The following ERC2 variants were observed in gnomAD, a reference collection of about 807,000 sequenced individuals.
The protein encoded by ERC2 is ERC protein 2.
Under a neutral mutation model 114.8 loss-of-function variants are expected in ERC2, and 42 were observed. The observed-to-expected ratio is 0.37, with a 90% confidence interval of 0.29 to 0.47. The LOEUF (loss-of-function observed/expected upper bound fraction) is 0.47. ERC2 is among the 20% of genes least tolerant of loss of function. The pLI, the probability that ERC2 is intolerant of heterozygous loss-of-function variation, is 0.99. For synonymous variants in ERC2, 454 were observed against 425.5 expected (o/e 1.07, Z -0.82); for missense variants, 939 against 1,150.7 (o/e 0.82, Z 2.66).
chr3:55,584,046 G>A (rs531051102), intron 17 of ERC2, among the ~76,000 whole-genome samples: 30 of 152,258 alleles, frequency 2.0e-4, no homozygotes, highest in Admixed American at 9.2e-4. Context: ...TTGATTCATC[G>A]TTAAAAGAGC....
chr3:56,034,256 G>A (rs1021334386), intron 7 of ERC2, among the ~76,000 whole-genome samples: 6 of 151,918 alleles, frequency 3.9e-5, no homozygotes, highest in Admixed American at 2.6e-4. Flanking sequence ...AATAATAAAA[G>A]GGTCATTTCA....
intron 14 of ERC2, among the ~76,000 whole-genome samples, chr3:55,851,581 T>C (rs1017990184): frequency 2.4e-4 from 37 of 152,188 alleles, no homozygotes; most frequent in African/African-American, 8.0e-4. Flanking sequence ...TGTTAATAAC[T>C]GGACTCCAGA....
intron 17 of ERC2, among the ~76,000 whole-genome samples, chr3:55,614,154 ACTGGAAAGGTAT>A (rs1440005495): frequency 1.3e-5 from 2 of 152,144 alleles, no homozygotes; most frequent in South Asian, 2.1e-4. Flanking sequence ...CTACGGATCT[ACTGGAAAGGTAT>A]CTGGAAAGGG....
At position 55,539,415 on chromosome 3, in the gene ERC2, C is replaced by CTTTTTTTTTTTTTTTTTTTTTTTTT. The variant is rs58749389; in HGVS notation, c.*40-28164_*40-28140dup. Among the ~76,000 whole-genome samples the CTTTTTTTTTTTTTTTTTTTTTTTTT allele has an allele frequency of 3.8e-3, 148 of 39,104 alleles. 27 individuals are homozygous for CTTTTTTTTTTTTTTTTTTTTTTTTT. The highest frequency in any genetic ancestry group is 6.6e-3 in the East Asian group (5 of 762). 25.7% of individuals were successfully genotyped at this position (39,104 alleles called of 152,430 possible). ...TCTCTCTCTCTCTCTTTTTTTCTTT[C>CTTTTTTTTTTTTTTTTTTTTTTTTT]TTTTTTTTTTTTTTTTTTTTTTTTT... On this transcript the variant is annotated intron_variant, in intron 17 of 17. Transcript: ENST00000288221.
chr3:55,973,096 G>T (rs777324300), intron 12 of ERC2, among the ~76,000 whole-genome samples: 1 of 152,158 alleles, frequency 6.6e-6, no homozygotes, highest in African/African-American at 2.4e-5. Flanking sequence ...CCTGCGAGGA[G>T]GAGGGAACAG....
At chr3:56,283,456 C>T (rs2150326966) in intron 3 of ERC2, among the ~76,000 whole-genome samples, 1 of 152,190 alleles carries the variant, frequency 6.6e-6, no homozygotes, top group African/African-American at 2.4e-5. Context: ...CATAGTAAGA[C>T]CCCATCTAAA....
chr3:55,738,418 A>C (rs1210128766), intron 14 of ERC2, among the ~76,000 whole-genome samples: 1 of 152,174 alleles, frequency 6.6e-6, no homozygotes, highest in African/African-American at 2.4e-5. Flanking sequence ...AAACATTTAA[A>C]ACTTGTAAGT....
intron 2 of ERC2, among the ~76,000 whole-genome samples, chr3:56,382,785 A>G (rs2059799118): frequency 6.6e-6 from 1 of 152,054 alleles, no homozygotes; most frequent in Non-Finnish European, 1.5e-5. Flanking sequence ...TCTTTCTGCT[A>G]ATCAGTCCCA....
chr3:55,897,439 G>A (rs899981996), intron 13 of ERC2, among the ~76,000 whole-genome samples: 1 of 152,176 alleles, frequency 6.6e-6, no homozygotes, highest in Non-Finnish European at 1.5e-5. Flanking sequence ...GTTAGGCTCC[G>A]CCATCCATCC....
chr3:56,196,260 CAA>C (rs2048095685), intron 3 of ERC2, among the ~76,000 whole-genome samples: 1 of 152,082 alleles, frequency 6.6e-6, no homozygotes, highest in African/African-American at 2.4e-5. Context: ...GCTCATTAGA[CAA>C]AGTTAGAAAA....
At position 56,397,565 on chromosome 3, in the gene ERC2, G is replaced by A. The variant is rs189494183; in HGVS notation, c.657+36786C>T. Among the ~76,000 whole-genome samples the A allele has an allele frequency of 1.2e-3, 190 of 152,142 alleles. 1 individual carries two copies. The highest frequency in any genetic ancestry group is 1.8e-3 in the Non-Finnish European group (119 of 67,996). ...TTTCATATTGGTACATACAAACATA[G>A]TTAACAACACCTTATTATTTTCTTA... On this transcript the variant is annotated intron_variant, in intron 2 of 17. Coordinates refer to ENST00000288221, the MANE Select transcript of ERC2 (RefSeq NM_015576.3).
chr3:56,264,723 A>G (rs1187974074), intron 3 of ERC2, among the ~76,000 whole-genome samples: 1 of 152,094 alleles, frequency 6.6e-6, no homozygotes, highest in Admixed American at 6.6e-5. Flanking sequence ...AGACCCCATA[A>G]AAAAACTGTT....
intron 14 of ERC2, among the ~76,000 whole-genome samples, chr3:55,828,108 T>C (rs2060408901): frequency 6.6e-6 from 1 of 152,292 alleles, no homozygotes; most frequent in Admixed American, 6.5e-5. Context: ...AAGAATAAAT[T>C]CTGAACTCCA....
intron 17 of ERC2, chr3:55,657,290 G>A (rs1468991092): frequency 6.6e-6 from 1 of 152,006 alleles, no homozygotes; most frequent in Non-Finnish European, 1.5e-5. Context: ...AGGCAACTTG[G>A]CAGATCTCTA....
chr3:55,919,933 T>C (rs575718334), intron 13 of ERC2, among the ~76,000 whole-genome samples: 2 of 152,156 alleles, frequency 1.3e-5, no homozygotes, highest in Non-Finnish European at 2.9e-5. Context: ...GTGAAGTTAA[T>C]GAATAAAGAA....
chr3:55,579,636 G>T (rs1481280475), intron 17 of ERC2, among the ~76,000 whole-genome samples: 1 of 152,236 alleles, frequency 6.6e-6, no homozygotes, highest in Non-Finnish European at 1.5e-5. Context: ...GAAATATACA[G>T]CGCATGCTGT....
At chr3:56,035,486 G>A (rs1026541752) in intron 7 of ERC2, among the ~76,000 whole-genome samples, 2 of 152,200 alleles carry the variant, frequency 1.3e-5, no homozygotes, top group Non-Finnish European at 2.9e-5. Context: ...ATATTCACGT[G>A]TTGGAGACTT....
chr3:56,023,424 G>T (rs927303923), intron 7 of ERC2, among the ~76,000 whole-genome samples: 3 of 152,058 alleles, frequency 2.0e-5, no homozygotes, highest in Non-Finnish European at 4.4e-5. Context: ...TCCCTAGCAC[G>T]AGGATCTCCT....
intron 10 of ERC2, among the ~76,000 whole-genome samples, chr3:55,994,832 AAG>A (rs2071383090): frequency 6.6e-6 from 1 of 152,096 alleles, no homozygotes; most frequent in Admixed American, 6.6e-5. Context: ...ACAAGTAAGT[AAG>A]TATGGTGAAA....
Sources: allele counts gnomAD v4.1 joint callset (sites outside exome capture counted in the v4.1 genomes callset), GRCh38; gene constraint gnomAD v4.1.1; transcripts MANE v1.5; gene names NCBI Gene and HGNC (gene_info 2026-07-23, HGNC 2026-07-21).